The following KDM2A variants were observed in gnomAD, a reference collection of about 807,000 sequenced individuals.
KDM2A encodes lysine-specific demethylase 2A.
A neutral mutation model predicts 137.3 loss-of-function variants in KDM2A; 3 were observed. The observed-to-expected ratio is 0.02, with a 90% CI of 0.01 to 0.06. The LOEUF is 0.06. KDM2A is among the 10% of genes least tolerant of loss of function. The pLI is 1.00. For synonymous variants in KDM2A, 512 were observed against 541.5 expected (o/e 0.95, Z 0.76); for missense variants, 738 against 1,510.6 (o/e 0.49, Z 8.48).
Position 67,215,517 on chromosome 11 carries a change from C to T in KDM2A, c.593+71C>T, listed in dbSNP as rs368282139. On this transcript the variant is annotated intron_variant, in intron 7 of 20. Transcript: ENST00000529006. ...AAAGCAATAGCAAGGATTGGCTTCT[C>T]CCTTACGAGCTTTGCTCTGTGTCTT... 166 of 966,810 alleles carry T rather than the reference C, an allele frequency of 1.7e-4. 1 individual carries two copies. The African/African-American group carries it at 2.4e-3, about 14-fold the overall frequency. The allele number at this position is 966,810 out of a possible 1,614,324, so 59.9% of individuals were successfully genotyped here.
chr11:67,136,908 A>G (rs1465180053), intron 2 of KDM2A, among the ~76,000 whole-genome samples: 2 of 152,236 alleles, frequency 1.3e-5, no homozygotes, highest in Non-Finnish European at 2.9e-5. Context: ...TGTTAATTAC[A>G]GTTACACAAA....
intron 6 of KDM2A, among the ~76,000 whole-genome samples, chr11:67,209,104 A>T (rs981727287): frequency 6.6e-6 from 1 of 150,632 alleles, no homozygotes; most frequent in African/African-American, 2.4e-5. Context: ...TAATTTTTGT[A>T]TTTTTTTTGT....
At chr11:67,181,998 A>G (rs866590181) in intron 5 of KDM2A, 106 bp downstream of exon 5, 2 of 912,064 alleles carry the variant, frequency 2.2e-6, no homozygotes, top group Middle Eastern at 2.2e-4. Context: ...TGAAGTATAT[A>G]TTTGATTAGA....
chr11:67,210,372 A>G (rs1857944512), intron 6 of KDM2A, among the ~76,000 whole-genome samples: 1 of 152,170 alleles, frequency 6.6e-6, no homozygotes, highest in South Asian at 2.1e-4. Flanking sequence ...CTAAGCAGCA[A>G]CAAGAAAAAT....
chr11:67,148,523 G>A (rs192946237), intron 2 of KDM2A, among the ~76,000 whole-genome samples: 5 of 152,140 alleles, frequency 3.3e-5, no homozygotes, highest in East Asian at 1.9e-4. Context: ...TAATCCGGCC[G>A]GGCGTGGTGG....
intron 10 of KDM2A, among the ~76,000 whole-genome samples, chr11:67,223,380 T>C (rs373619308): frequency 1.2e-4 from 17 of 146,056 alleles, no homozygotes; most frequent in African/African-American, 4.6e-4. Context: ...TTTCTTCCTT[T>C]TTTCTTTCTT....
intron 2 of KDM2A, among the ~76,000 whole-genome samples, chr11:67,140,525 G>A (rs1412398512): frequency 1.3e-5 from 2 of 152,090 alleles, no homozygotes; most frequent in Non-Finnish European, 2.9e-5. Flanking sequence ...GTGGAAGCGG[G>A]TGGATCACCT....
At chr11:67,128,521 A>G (rs1243945625) in intron 2 of KDM2A, among the ~76,000 whole-genome samples, 1 of 152,064 alleles carries the variant, frequency 6.6e-6, no homozygotes, top group African/African-American at 2.4e-5. Flanking sequence ...CACTGGTCTC[A>G]TTGTTGCGGC....
intron 5 of KDM2A, among the ~76,000 whole-genome samples, chr11:67,201,812 A>G (rs1158490807): frequency 7.1e-6 from 1 of 140,804 alleles, no homozygotes; most frequent in Non-Finnish European, 1.5e-5. Context: ...AAAATTAGCC[A>G]TGCTTGGTGG....
chr11:67,223,281 G>A (rs1858426567), intron 10 of KDM2A, among the ~76,000 whole-genome samples: 1 of 151,962 alleles, frequency 6.6e-6, no homozygotes, highest in African/African-American at 2.4e-5. Context: ...ATGGGGTCAG[G>A]TTGGGTATGT....
chr11:67,200,411 G>GT (rs1278394390), intron 5 of KDM2A, among the ~76,000 whole-genome samples: 1 of 152,086 alleles, frequency 6.6e-6, no homozygotes, highest in Non-Finnish European at 1.5e-5. Context: ...TAGAGATGGG[G>GT]TTTCACCATG....
intron 10 of KDM2A, among the ~76,000 whole-genome samples, chr11:67,222,815 G>A (rs1358789597): frequency 6.7e-6 from 1 of 149,188 alleles, no homozygotes; most frequent in Non-Finnish European, 1.5e-5. Flanking sequence ...GGAAGAAAAG[G>A]AAAATACATA....
At chr11:67,180,402 C>T (rs974860573) in intron 3 of KDM2A, 185 bp downstream of exon 3, 1 of 528,398 alleles carries the variant, frequency 1.9e-6, no homozygotes, top group Non-Finnish European at 3.2e-6. Flanking sequence ...GTGAGTCATT[C>T]TCTCCTATAT....
intron 10 of KDM2A, among the ~76,000 whole-genome samples, chr11:67,226,071 A>C (rs1015929388): frequency 9.2e-5 from 14 of 152,036 alleles, no homozygotes; most frequent in Non-Finnish European, 1.3e-4. Flanking sequence ...GTCAAAAAAG[A>C]GTAAAAATAA....
Position 67,217,844 on chromosome 11 carries a change from C to G in KDM2A, c.801C>G (p.Arg267=), listed in dbSNP as rs780835256. The G allele has an allele frequency of 6.2e-7, 1 of 1,613,122 alleles. No individual in the cohort carries two copies. Among genetic ancestry groups the G allele is most frequent in the South Asian group, 1.1e-5 (1 of 90,830 alleles). ...GTGACCGGGTATCAGATTGTCAGCG[C>G]ATTGAGCTCAAGCAGGGCTATACCT... The part of the protein sequence containing the change: ...FLGDRVSDCQ[R]IELKQGYTFV... The change falls in exon 9 of 21, where the codon CGC becomes CGG. Residue 267 remains arginine, a synonymous_variant. Coordinates refer to ENST00000529006, the MANE Select transcript of KDM2A (RefSeq NM_012308.3).
In KDM2A at chr11:67,247,037, TTATATATA is replaced by T. The variant is rs59101290; in HGVS notation, c.1965+949_1965+956del. On this transcript the variant is annotated intron_variant, in intron 15 of 20. Coordinates refer to ENST00000529006, the MANE Select transcript of KDM2A (RefSeq NM_012308.3). ...TATTCATTTAATGTTATAAATTATT[TTATATATA>T]TATATATATATATATATATATATAT... is the stretch of plus-strand genomic sequence containing the variant. Among the ~76,000 whole-genome samples, 299 of 33,058 alleles carry T rather than the reference TTATATATA, an allele frequency of 9.0e-3. 3 individuals carry two copies. Among genetic ancestry groups the T allele is most frequent in the Middle Eastern group, 0.021 (1 of 48 alleles). 21.7% of individuals were successfully genotyped at this position (33,058 alleles called of 152,430 possible).
chr11:67,193,588 T>A (rs1230105598), intron 5 of KDM2A, among the ~76,000 whole-genome samples: 1 of 152,076 alleles, frequency 6.6e-6, no homozygotes, highest in East Asian at 1.9e-4. Context: ...TGGCTGGGCA[T>A]GGTGGCTCAC....
intron 12 of KDM2A, among the ~76,000 whole-genome samples, chr11:67,242,213 C>G (rs1565421274): frequency 6.6e-6 from 1 of 152,042 alleles, no homozygotes; most frequent in East Asian, 1.9e-4. Context: ...ACTTTTGCCC[C>G]TAAGATTGTT....
At chr11:67,121,166 C>T in intron 1 of KDM2A, 68 bp from the exon 2 acceptor site, 1 of 656,668 alleles carries the variant, frequency 1.5e-6, no homozygotes, top group Non-Finnish European at 2.7e-6. Flanking sequence ...TTAAATACTC[C>T]TTTCCGTGAA....
Sources: gnomAD v4.1 joint callset for allele counts (sites outside exome capture counted in the v4.1 genomes callset) on GRCh38, gnomAD v4.1.1 for gene constraint, MANE v1.5 for transcripts, NCBI Gene and HGNC (gene_info 2026-07-23, HGNC 2026-07-21) for gene names.